The following ATXN7L1 variants were observed in gnomAD, a reference collection of about 807,000 sequenced individuals.
ATXN7L1 encodes ataxin-7-like protein 1.
In ATXN7L1, 15 loss-of-function variants were observed where a neutral mutation model predicts 70.8. The observed-to-expected ratio is 0.21, with a 90% CI of 0.14 to 0.33. The LOEUF (loss-of-function observed/expected upper bound fraction) is 0.33. Among genes scored for constraint, ATXN7L1 ranks in the 10% least tolerant of loss-of-function variants. The pLI is 1.00. For synonymous variants in ATXN7L1, 440 were observed against 445.1 expected, an observed-to-expected ratio of 0.99 and a Z score of 0.14; for missense variants, 975 against 1,097.1, an observed-to-expected ratio of 0.89 and a Z score of 1.57.
chr7:105,639,399 A>T, intron 6 of ATXN7L1, 88 bp downstream of exon 6: 2 of 1,051,194 alleles, frequency 1.9e-6, no homozygotes, highest in Non-Finnish European at 2.9e-6. Context: ...GAGGTTCCAC[A>T]CCCTGCCGTG....
chr7:105,738,907 TAA>T (rs1290514700), intron 3 of ATXN7L1, among the ~76,000 whole-genome samples: 1 of 152,144 alleles, frequency 6.6e-6, no homozygotes, highest in Non-Finnish European at 1.5e-5. Flanking sequence ...CAAAGCTTAG[TAA>T]ACATTGTAGA....
intron 3 of ATXN7L1, among the ~76,000 whole-genome samples, chr7:105,763,409 C>G (rs951994420): frequency 2.0e-5 from 3 of 152,324 alleles, no homozygotes; most frequent in African/African-American, 7.2e-5. Context: ...CTCTTGCCTG[C>G]CATCCAGAGT....
At chr7:105,814,535 T>G (rs775018066) in intron 2 of ATXN7L1, among the ~76,000 whole-genome samples, 6 of 152,240 alleles carry the variant, frequency 3.9e-5, no homozygotes, top group Non-Finnish European at 5.9e-5. Flanking sequence ...TTTTAGGTTA[T>G]TCATAGGTAC....
intron 2 of ATXN7L1, among the ~76,000 whole-genome samples, chr7:105,847,655 T>C (rs1814263638): frequency 6.6e-6 from 1 of 152,220 alleles, no homozygotes; most frequent in Non-Finnish European, 1.5e-5. Flanking sequence ...CAGGTTCAAA[T>C]CCTGGCTCTG....
intron 3 of ATXN7L1, among the ~76,000 whole-genome samples, chr7:105,727,232 G>A (rs905941087): frequency 2.0e-5 from 3 of 152,080 alleles, no homozygotes; most frequent in Non-Finnish European, 4.4e-5. Context: ...ATTAACAGGG[G>A]GGAAAATGTA....
At chr7:105,742,816 C>T (rs1798158546) in intron 3 of ATXN7L1, among the ~76,000 whole-genome samples, 1 of 152,190 alleles carries the variant, frequency 6.6e-6, no homozygotes, top group Admixed American at 6.5e-5. Context: ...CCATTACCCC[C>T]ACTTCCCAAA....
chr7:105,707,467 C>G (rs1023232643), intron 3 of ATXN7L1, among the ~76,000 whole-genome samples: 3 of 152,118 alleles, frequency 2.0e-5, no homozygotes, highest in African/African-American at 7.2e-5. Context: ...TGGAGGAAGG[C>G]TGGGCTATGG....
intron 3 of ATXN7L1, among the ~76,000 whole-genome samples, chr7:105,736,135 T>C (rs985774144): frequency 1.3e-5 from 2 of 152,194 alleles, no homozygotes; most frequent in Non-Finnish European, 2.9e-5. Flanking sequence ...TCCCTCCCTC[T>C]TCTGTGGGCT....
intron 2 of ATXN7L1, among the ~76,000 whole-genome samples, chr7:105,789,553 G>A (rs1178281325): frequency 6.6e-6 from 1 of 152,146 alleles, no homozygotes. Context: ...GATGAGTAGA[G>A]GTTAAGGAAG....
At chr7:105,732,515 T>A (rs193155748) in intron 3 of ATXN7L1, among the ~76,000 whole-genome samples, 1 of 152,290 alleles carries the variant, frequency 6.6e-6, no homozygotes. Context: ...CAGATGATAG[T>A]GGAAATAAAT....
At chr7:105,874,681 A>C (rs1350088387) in intron 2 of ATXN7L1, among the ~76,000 whole-genome samples, 1 of 152,220 alleles carries the variant, frequency 6.6e-6, no homozygotes, top group Non-Finnish European at 1.5e-5. Context: ...CTGAAGCACA[A>C]AATTTCCTCT....
At chr7:105,728,250 T>C (rs1341569545) in intron 3 of ATXN7L1, among the ~76,000 whole-genome samples, 15 of 152,154 alleles carry the variant, frequency 9.9e-5, no homozygotes, top group Non-Finnish European at 2.1e-4. Context: ...AAATGAGTAG[T>C]CCCTAAGACT....
chr7:105,638,726 A>G (rs1797730059), intron 6 of ATXN7L1, 117 bp from the exon 7 acceptor site: 1 of 1,310,854 alleles, frequency 7.6e-7, no homozygotes, highest in East Asian at 2.5e-5. Flanking sequence ...TTGAAAAGTC[A>G]ACTTCAAGGC....
rs1562878570 is a variant in ATXN7L1 at position 105,605,380 on chromosome 7, T to A, written c.*2472A>T. Reference sequence around the variant, plus strand: ...CCTGTGGTTGACTGCCAAGGAAGAATACTGTGGGCTTTCCCTTTTTGCCCA... The same window carrying A: ...CCTGTGGTTGACTGCCAAGGAAGAAAACTGTGGGCTTTCCCTTTTTGCCCA... On this transcript the variant is annotated 3_prime_UTR_variant, in exon 12 of 12. Coordinates refer to ENST00000419735, the MANE Select transcript of ATXN7L1 (RefSeq NM_020725.2). 1 of 150,408 alleles carries A rather than the reference T, an allele frequency of 6.6e-6. No individual in the cohort carries two copies. The highest frequency in any genetic ancestry group is 1.5e-5 in the Non-Finnish European group (1 of 67,902). The allele number at this position is 150,408 out of a possible 1,614,324, so 9.3% of individuals were successfully genotyped here. A position where few individuals can be genotyped will look rare whatever the true frequency, so the allele number is the denominator to read the frequency against.
In ATXN7L1 at chr7:105,639,554, G is replaced by C. The variant is rs1346280604; in HGVS notation, c.878C>G (p.Pro293Arg). 1 of 1,550,616 alleles carries C rather than the reference G, an allele frequency of 6.4e-7. No homozygotes were observed. The highest frequency in any genetic ancestry group is 8.7e-7 in the Non-Finnish European group (1 of 1,146,424). ...ATCCAATACTCCACAGTGTTTATTTGGGTCAAATTCTCTCTCTGGTTTAAG... is the reference window on the plus strand; with the variant it reads ...ATCCAATACTCCACAGTGTTTATTTCGGTCAAATTCTCTCTCTGGTTTAAG... ...YRRLSEREFD[P>R]NKHCGVLDPE... Residue 293 changes from proline to arginine, a missense_variant, in exon 6 of 12, where the codon CCA (proline) becomes CGA (arginine). This residue lies in a region of ATXN7L1 where 192 missense variants were observed against 215.5 expected (regional missense o/e 0.89). Transcript: ENST00000419735.
At chr7:105,674,566 A>G (rs1232166331) in intron 3 of ATXN7L1, among the ~76,000 whole-genome samples, 1 of 152,236 alleles carries the variant, frequency 6.6e-6, no homozygotes, top group Non-Finnish European at 1.5e-5. Flanking sequence ...AGCTGGCAGG[A>G]AAGCCCAGGC....
chr7:105,735,047 T>C (rs1332191077), intron 3 of ATXN7L1, among the ~76,000 whole-genome samples: 1 of 152,198 alleles, frequency 6.6e-6, no homozygotes, highest in Admixed American at 6.5e-5. Context: ...AATAATTCTA[T>C]GGGAACAAAG....
intron 7 of ATXN7L1, among the ~76,000 whole-genome samples, chr7:105,637,158 G>T (rs977895244): frequency 6.6e-6 from 1 of 152,160 alleles, no homozygotes; most frequent in African/African-American, 2.4e-5. Context: ...ATCTGACCGC[G>T]TCCTCCTGAA....
intron 4 of ATXN7L1, among the ~76,000 whole-genome samples, chr7:105,648,930 G>GTCTAATCACAGTAACGCAAACACTCTC (rs60930712): frequency 0.049 from 7,392 of 152,186 alleles, 609 homozygotes; most frequent in African/African-American, 0.17. Context: ...ACCTCCATGT[G>GTCTAATCACAGTAACGCAAACACTCTC]CAGGTGGTGA....
Sources: gnomAD v4.1 joint callset for allele counts (sites outside exome capture counted in the v4.1 genomes callset) on GRCh38, gnomAD v4.1.1 for gene constraint, gnomAD v4.1.1 regional missense constraint, MANE v1.5 for transcripts, NCBI Gene and HGNC (gene_info 2026-07-23, HGNC 2026-07-21) for gene names.